Variants in IFT52 observed in about 807,000 individuals in gnomAD.
IFT52 encodes intraflagellar transport 52, also known as intraflagellar transport protein 52 homolog.
Under a neutral mutation model 54.4 loss-of-function variants are expected in IFT52, and 44 were observed. The observed-to-expected ratio is 0.81, with a 90% CI of 0.63 to 1.04. IFT52 has a LOEUF of 1.04. Among genes scored for constraint, IFT52 ranks in the 50% least tolerant of loss-of-function variants. IFT52 has a pLI of 0.00. For missense variants in IFT52, 452 were observed against 523.6 expected, an observed-to-expected ratio of 0.86 and a Z score of 1.33; for synonymous variants, 181 against 185.3, an observed-to-expected ratio of 0.98 and a Z score of 0.19.
chr20:43,642,338 G>A, intron 12 of IFT52, 141 bp from the exon 13 acceptor site: 1 of 717,976 alleles, frequency 1.4e-6, no homozygotes, highest in Non-Finnish European at 2.3e-6. Context: ...TTGAAATCCT[G>A]TAGTCACATT....
chr20:43,632,032 TCTC>T (rs1243404380), intron 10 of IFT52, among the ~76,000 whole-genome samples: 1 of 151,580 alleles, frequency 6.6e-6, no homozygotes, highest in Non-Finnish European at 1.5e-5. Flanking sequence ...TTCAAGCAAT[TCTC>T]CTGCCTCAGC....
intron 8 of IFT52, 68 bp from the exon 9 acceptor site, chr20:43,620,789 C>T: frequency 9.2e-7 from 1 of 1,091,280 alleles, no homozygotes; most frequent in Middle Eastern, 2.0e-4. Context: ...ATTTAATTCT[C>T]TAGTCCTGAC....
intron 7 of IFT52, among the ~76,000 whole-genome samples, chr20:43,616,376 G>T (rs944443158): frequency 1.3e-5 from 2 of 151,812 alleles, no homozygotes; most frequent in African/African-American, 4.8e-5. Flanking sequence ...CAGCATGATG[G>T]TGAGTGCCTG....
At chr20:43,627,740 T>C (rs1261698236) in intron 10 of IFT52, among the ~76,000 whole-genome samples, 1 of 151,930 alleles carries the variant, frequency 6.6e-6, no homozygotes, top group Non-Finnish European at 1.5e-5. Flanking sequence ...TCTTAGCTCT[T>C]TTTCTTTTTT....
At chr20:43,597,843 A>G (rs1399284226) in intron 3 of IFT52, among the ~76,000 whole-genome samples, 1 of 144,278 alleles carries the variant, frequency 6.9e-6, no homozygotes, top group African/African-American at 2.6e-5. Flanking sequence ...CAGCGAGCAG[A>G]GATCGGGCCA....
At chr20:43,609,970 A>G (rs1402599102) in intron 6 of IFT52, among the ~76,000 whole-genome samples, 1 of 151,190 alleles carries the variant, frequency 6.6e-6, no homozygotes, top group Non-Finnish European at 1.5e-5. Flanking sequence ...ATAAAATTAA[A>G]TTAAATTAAA....
rs571260575 is a variant in IFT52, at chr20:43,642,839, A to G, written c.1266+215A>G. Among the ~76,000 whole-genome samples, 7 of 152,316 alleles carry G rather than the reference A, an allele frequency of 4.6e-5. No individual in the cohort carries two copies. In the East Asian group the frequency reaches 1.4e-3, roughly 29 times the overall value. ...TAAGCAGTAAACATAAGTGAGTCAC[A>G]TAGGATGCTAGAAAATGGTAAGTGC... On this transcript the variant is annotated intron_variant, in intron 13 of 13. Transcript: ENST00000373030.
chr20:43,635,327 C>T (rs1985452840), intron 10 of IFT52, among the ~76,000 whole-genome samples: 1 of 152,058 alleles, frequency 6.6e-6, no homozygotes, highest in South Asian at 2.1e-4. Context: ...TTTTTGCTCT[C>T]TTGCCCAGGC....
intron 9 of IFT52, among the ~76,000 whole-genome samples, chr20:43,622,765 AAATTGTGTGTAAATATAAATATATAC>A (rs1568768271): frequency 2.6e-5 from 3 of 115,268 alleles, no homozygotes; most frequent in Admixed American, 8.9e-5. Context: ...AAATATATAC[AAATTGTGTGTAAATATAAATATATAC>A]ATATTTTTAT....
chr20:43,647,008 C>A lies in IFT52; in HGVS notation c.*25C>A, dbSNP rs1023837670. 2 of 1,600,260 alleles carry A rather than the reference C, an allele frequency of 1.2e-6. No homozygotes were observed. Among genetic ancestry groups the A allele is most frequent in the Non-Finnish European group, 1.7e-6 (2 of 1,167,714 alleles). On this transcript the variant is annotated 3_prime_UTR_variant, in exon 14 of 14. Coordinates refer to ENST00000373030, the MANE Select transcript of IFT52 (RefSeq NM_016004.5). Reference sequence around the variant, plus strand: ...AAGACCATGCCTCTTGAAGCTTTTTCTGCCTCCTGATTCTCTCTTTGTAAA... The same window carrying A: ...AAGACCATGCCTCTTGAAGCTTTTTATGCCTCCTGATTCTCTCTTTGTAAA...
At chr20:43,620,177 A>G (rs2145633815) in intron 8 of IFT52, among the ~76,000 whole-genome samples, 1 of 151,842 alleles carries the variant, frequency 6.6e-6, no homozygotes, top group Middle Eastern at 3.4e-3. Flanking sequence ...TCAGCCTCCC[A>G]AAGTGCTGGG....
chr20:43,606,914 G>C (rs1982942048), intron 6 of IFT52, among the ~76,000 whole-genome samples: 1 of 152,224 alleles, frequency 6.6e-6, no homozygotes, highest in South Asian at 2.1e-4. Flanking sequence ...TAAGGTCACA[G>C]ATCAACAGGA....
intron 3 of IFT52, among the ~76,000 whole-genome samples, chr20:43,601,427 A>G (rs539230222): frequency 1.3e-5 from 2 of 152,334 alleles, no homozygotes; most frequent in African/African-American, 4.8e-5. Flanking sequence ...CCAAATATCC[A>G]TTCTTTTGTT....
intron 9 of IFT52, among the ~76,000 whole-genome samples, chr20:43,623,417 G>A (rs1984487357): frequency 6.6e-6 from 1 of 152,100 alleles, no homozygotes; most frequent in Non-Finnish European, 1.5e-5. Flanking sequence ...CAACTCCTGG[G>A]CTCAAGCGAT....
At chr20:43,596,166 A>C (rs1981943231) in intron 2 of IFT52, among the ~76,000 whole-genome samples, 1 of 152,220 alleles carries the variant, frequency 6.6e-6, no homozygotes, top group East Asian at 1.9e-4. Flanking sequence ...GGCTGATTGA[A>C]TTAGTAGTTG....
intron 3 of IFT52, among the ~76,000 whole-genome samples, chr20:43,600,366 G>A (rs959623414): frequency 6.6e-6 from 1 of 151,368 alleles, no homozygotes; most frequent in African/African-American, 2.4e-5. Flanking sequence ...GTGCAGTGGA[G>A]TGATCTCAGC....
At chr20:43,612,750 A>G (rs941681826) in intron 6 of IFT52, among the ~76,000 whole-genome samples, 5 of 152,266 alleles carry the variant, frequency 3.3e-5, no homozygotes, top group African/African-American at 1.2e-4. Flanking sequence ...ACTTAAGCCA[A>G]AAAGAATTTT....
chr20:43,605,795 A>G (rs1021451691), intron 6 of IFT52, among the ~76,000 whole-genome samples: 1 of 152,194 alleles, frequency 6.6e-6, no homozygotes, highest in African/African-American at 2.4e-5. Context: ...ACAACTCTGG[A>G]AAGTTAGAGA....
intron 10 of IFT52, among the ~76,000 whole-genome samples, chr20:43,626,215 T>A (rs963334406): frequency 6.6e-6 from 1 of 151,826 alleles, no homozygotes; most frequent in African/African-American, 2.4e-5. Flanking sequence ...ACATTTAATT[T>A]GGGAGTTTGG....
Sources: allele counts gnomAD v4.1 joint callset (sites outside exome capture counted in the v4.1 genomes callset), GRCh38; gene constraint gnomAD v4.1.1; transcripts MANE v1.5; gene names NCBI Gene and HGNC (gene_info 2026-07-23, HGNC 2026-07-21).